Variants in SMAP1 observed in about 807,000 individuals in gnomAD.
The protein encoded by SMAP1 is small ArfGAP 1.
In SMAP1, 24 loss-of-function variants were observed where a neutral mutation model predicts 58.5. The ratio of observed to expected loss-of-function variants is 0.41; its 90% CI spans 0.30 to 0.58. The LOEUF is 0.58. Among genes scored for constraint, SMAP1 ranks in the 20% least tolerant of loss-of-function variants. SMAP1 has a pLI of 0.29. For synonymous variants in SMAP1, 216 were observed against 196.6 expected, an observed-to-expected ratio of 1.10 and a Z score of -0.82; for missense variants, 563 against 566.3, an observed-to-expected ratio of 0.99 and a Z score of 0.06.
At chr6:70,770,650 C>T (rs1327647444) in intron 3 of SMAP1, among the ~76,000 whole-genome samples, 2 of 152,170 alleles carry the variant, frequency 1.3e-5, no homozygotes, top group Non-Finnish European at 2.9e-5. Flanking sequence ...CTACATTCGT[C>T]TGAATTTTTT....
At chr6:70,745,564 T>G (rs1407157391) in intron 2 of SMAP1, among the ~76,000 whole-genome samples, 5 of 152,340 alleles carry the variant, frequency 3.3e-5, no homozygotes, top group African/African-American at 1.2e-4. Flanking sequence ...CCATGCTGTT[T>G]TGGTTACTGT....
chr6:70,732,878 G>A (rs1582081100), intron 2 of SMAP1, among the ~76,000 whole-genome samples: 1 of 152,096 alleles, frequency 6.6e-6, no homozygotes, highest in South Asian at 2.1e-4. Flanking sequence ...AAATGGACTT[G>A]AGTAATTTCC....
At chr6:70,668,419 C>A (rs1766125848) in intron 1 of SMAP1, 2 of 1,141,524 alleles carry the variant, frequency 1.8e-6, no homozygotes, top group African/African-American at 3.2e-5. Flanking sequence ...TAGCGATGCT[C>A]GGACCCTCCA....
Position 70,725,091 on chromosome 6 carries a change from GTGTTTTTTTTTTT to G in SMAP1, c.119-7285_119-7273del, listed in dbSNP as rs1768709702. ...CAGACTCCATATCCTAAATTAACCA[GTGTTTTTTTTTTT>G]TTTTTTTTTTTTTTTTTTTTTTTTT... On this transcript the variant is annotated intron_variant, in intron 1 of 10. Coordinates refer to ENST00000370455, the MANE Select transcript of SMAP1 (RefSeq NM_001044305.3). 7.4e-5 allele frequency among the ~76,000 whole-genome samples: 6 copies of G among 80,542 alleles called. No homozygotes were observed. The South Asian group carries it at 1.9e-3, about 26-fold the overall frequency. The allele number at this position is 80,542 out of a possible 152,430, so 52.8% of individuals were successfully genotyped here.
In SMAP1 at chr6:70,858,131, G is replaced by T. The variant is rs200644554; in HGVS notation, c.1171G>T (p.Val391Phe). ...QTGVMPLPQN[V>F]VGPQGGMVGQ... ...TGGTGTGATGCCACTTCCTCAGAAC[G>T]TTGTTGGCCCCCAAGGAGGAATGGT... The change falls in exon 10 of 11, where the codon GTT becomes TTT. Residue 391 changes from valine (V) to phenylalanine (F), a missense_variant. By Grantham distance (50) the Val-to-Phe change is conservative. Coordinates refer to ENST00000370455, the MANE Select transcript of SMAP1 (RefSeq NM_001044305.3). The T allele has an allele frequency of 2.7e-5, 44 of 1,614,008 alleles. No homozygotes were observed. Among genetic ancestry groups the T allele is most frequent in the Non-Finnish European group, 3.6e-5 (43 of 1,179,988 alleles).
At chr6:70,757,962 C>T (rs374342955) in intron 3 of SMAP1, among the ~76,000 whole-genome samples, 61 of 151,740 alleles carry the variant, frequency 4.0e-4, no homozygotes, top group East Asian at 7.8e-4. Context: ...GTCAGTGTGG[C>T]GATTCCTCAG....
rs989414032 is a variant in SMAP1, at chr6:70,857,938, C to T, written c.978C>T (p.Pro326=). The T allele has an allele frequency of 1.2e-6, 2 of 1,613,796 alleles. No individual in the cohort carries two copies. The highest frequency in any genetic ancestry group is 2.7e-5 in the African/African-American group (2 of 74,878). The change falls in exon 10 of 11, where the codon CCC becomes CCT. Residue 326 remains proline, a synonymous_variant. Coordinates refer to ENST00000370455, the MANE Select transcript of SMAP1 (RefSeq NM_001044305.3). ...QQSTPGVFMG[P]TNIPFTSQAP... ...GTGGTGCAGGTGTATTTATGGGACC[C>T]ACAAATATACCATTTACCTCACAAG...
intron 1 of SMAP1, among the ~76,000 whole-genome samples, chr6:70,721,988 C>A (rs1768549362): frequency 6.6e-6 from 1 of 152,154 alleles, no homozygotes. Context: ...AGCATATCAT[C>A]TCCTAATAAC....
At chr6:70,735,513 C>T (rs1765585540) in intron 2 of SMAP1, among the ~76,000 whole-genome samples, 1 of 152,186 alleles carries the variant, frequency 6.6e-6, no homozygotes, top group African/African-American at 2.4e-5. Context: ...AGCGGTGGCT[C>T]ACTCCTGTAA....
intron 4 of SMAP1, among the ~76,000 whole-genome samples, chr6:70,790,578 T>C (rs1310540087): frequency 6.6e-6 from 1 of 152,136 alleles, no homozygotes; most frequent in Non-Finnish European, 1.5e-5. Context: ...TGCATTAATA[T>C]TCATTAAGTG....
At chr6:70,688,901 T>C (rs1029177074) in intron 1 of SMAP1, among the ~76,000 whole-genome samples, 1 of 152,106 alleles carries the variant, frequency 6.6e-6, no homozygotes, top group African/African-American at 2.4e-5. Flanking sequence ...AGTTTTACAG[T>C]GTTATGTTTT....
chr6:70,768,090 A>G (rs1255896439), intron 3 of SMAP1, among the ~76,000 whole-genome samples: 11 of 152,312 alleles, frequency 7.2e-5, no homozygotes, highest in East Asian at 3.9e-4. Context: ...CTTACATCCC[A>G]GGGATGAAGC....
chr6:70,840,319 T>C (rs1286863146), intron 7 of SMAP1, among the ~76,000 whole-genome samples: 2 of 152,232 alleles, frequency 1.3e-5, no homozygotes. Context: ...TACTTTCTTT[T>C]GTGTAACCCA....
chr6:70,778,099 G>A (rs1031453809), intron 4 of SMAP1, among the ~76,000 whole-genome samples: 1 of 152,086 alleles, frequency 6.6e-6, no homozygotes, highest in Admixed American at 6.5e-5. Context: ...TGGGTGTATA[G>A]TAGGTGTATA....
At position 70,860,275 on chromosome 6, in the gene SMAP1, A is replaced by G. The variant is rs1407841634; in HGVS notation, c.1345A>G (p.Thr449Ala). 1.9e-6 allele frequency: 3 copies of G among 1,613,842 alleles called. No individual in the cohort carries two copies. The highest frequency in any genetic ancestry group is 1.7e-5 in the Admixed American group (1 of 59,906). The change falls in exon 11 of 11, where the codon ACA becomes GCA. Residue 449 changes from threonine (T) to alanine (A), a missense_variant. Physicochemically the swap from Thr to Ala is moderately conservative, Grantham distance 58. This residue lies in a region of SMAP1 where 494 missense variants were observed against 473.8 expected (regional missense o/e 1.04). Transcript: ENST00000370455. ...TAGFGQPSST[T>A]AGWSGSSSGQ... ...AGGTTTTGGCCAGCCCTCCAGCACA[A>G]CAGCAGGATGGTCTGGAAGCTCATC...
At chr6:70,692,692 T>A (rs1444380792) in intron 1 of SMAP1, among the ~76,000 whole-genome samples, 1 of 152,234 alleles carries the variant, frequency 6.6e-6, no homozygotes, top group Non-Finnish European at 1.5e-5. Context: ...ACCCAATGTA[T>A]GTTCTGGGCC....
At chr6:70,837,161 AGTTTG>A (rs1770623478) in intron 7 of SMAP1, 133 bp downstream of exon 7, 2 of 573,264 alleles carry the variant, frequency 3.5e-6, no homozygotes, top group Non-Finnish European at 5.6e-6. Context: ...TGGTATGATT[AGTTTG>A]CTAACTTCCC....
intron 1 of SMAP1, among the ~76,000 whole-genome samples, 185 bp downstream of exon 1, chr6:70,668,326 C>T (rs1156757486): frequency 1.3e-5 from 2 of 152,126 alleles, no homozygotes; most frequent in African/African-American, 2.4e-5. Context: ...CCGCCAGAGG[C>T]GGCGGCGAGG....
At chr6:70,775,025 A>AT (rs70990332) in intron 4 of SMAP1, among the ~76,000 whole-genome samples, 2 of 151,660 alleles carry the variant, frequency 1.3e-5, no homozygotes, top group Non-Finnish European at 2.9e-5. Context: ...AAAAAAAAAA[A>AT]TTAAGTTTTC....
Sources: allele counts gnomAD v4.1 joint callset (sites outside exome capture counted in the v4.1 genomes callset), GRCh38; gene constraint gnomAD v4.1.1; regional missense constraint gnomAD v4.1.1; transcripts MANE v1.5; gene names NCBI Gene and HGNC (gene_info 2026-07-23, HGNC 2026-07-21).